The following KLRB1 variants were observed in gnomAD, a reference collection of about 807,000 sequenced individuals.
The protein encoded by KLRB1 is killer cell lectin-like receptor subfamily B member 1.
A neutral mutation model predicts 33.5 loss-of-function variants in KLRB1; 27 were observed. The observed-to-expected ratio is 0.81, with a 90% confidence interval of 0.59 to 1.11. The LOEUF (loss-of-function observed/expected upper bound fraction) is 1.11, where lower values mean the gene tolerates loss of function less well. Ranked by LOEUF, KLRB1 falls within the 50% of genes most tolerant of loss-of-function variation. The pLI is 0.00. For missense variants in KLRB1, 241 were observed against 254.1 expected, an observed-to-expected ratio of 0.95 and a Z score of 0.35; for synonymous variants, 64 against 88.9, an observed-to-expected ratio of 0.72 and a Z score of 1.58.
chr12:9,599,904 T>G, intron 2 of KLRB1, 63 bp from the exon 3 acceptor site: 5 of 915,238 alleles, frequency 5.5e-6, no homozygotes, highest in Non-Finnish European at 7.2e-6. Flanking sequence ...GGATATATTA[T>G]ATTTGTTACT....
intron 1 of KLRB1, among the ~76,000 whole-genome samples, chr12:9,605,474 C>T (rs1054794559): frequency 6.6e-6 from 1 of 152,202 alleles, no homozygotes; most frequent in African/African-American, 2.4e-5. Flanking sequence ...ATAATTTTCT[C>T]TATTTTGTTC....
At chr12:9,600,502 T>A (rs1186051811) in intron 2 of KLRB1, among the ~76,000 whole-genome samples, 3 of 152,200 alleles carry the variant, frequency 2.0e-5, no homozygotes, top group Non-Finnish European at 4.4e-5. Flanking sequence ...TGTTACTGTG[T>A]CTGTGTAGAA....
At chr12:9,607,591 T>C (rs1039476114) in intron 1 of KLRB1, 164 bp downstream of exon 1, 13 of 567,196 alleles carry the variant, frequency 2.3e-5, no homozygotes, top group East Asian at 1.8e-4. Context: ...AAATTTTTTT[T>C]CCCAAAGTTG....
At position 9,595,426 on chromosome 12, in the gene KLRB1, G is replaced by A. The variant is rs1183310296; in HGVS notation, c.531-5C>T. On this transcript the variant is annotated splice_region_variant and splice_polypyrimidine_tract_variant and intron_variant, in intron 5 of 5. Coordinates refer to ENST00000229402, the MANE Select transcript of KLRB1 (RefSeq NM_002258.3). Reference sequence around the variant, plus strand: ...GCATCACCTCTAATTTCTAAGCTGTGGAGCAAAAGAAAAGTCTGTCTTAGC... The same window carrying A: ...GCATCACCTCTAATTTCTAAGCTGTAGAGCAAAAGAAAAGTCTGTCTTAGC... 4 of 1,611,074 alleles carry A rather than the reference G, an allele frequency of 2.5e-6. No individual in the cohort carries two copies. The highest frequency in any genetic ancestry group is 3.4e-6 in the Non-Finnish European group (4 of 1,179,224).
intron 1 of KLRB1, chr12:9,606,422 T>G (rs1433904739): frequency 6.6e-6 from 1 of 151,986 alleles, no homozygotes. Flanking sequence ...TGCTAACTCT[T>G]CAGAGACACA....
At chr12:9,605,928 A>G (rs781599994) in intron 1 of KLRB1, among the ~76,000 whole-genome samples, 1 of 152,018 alleles carries the variant, frequency 6.6e-6, no homozygotes, top group Non-Finnish European at 1.5e-5. Flanking sequence ...GAGTCTCACT[A>G]CCTCTATATT....
intron 2 of KLRB1, 125 bp from the exon 3 acceptor site, chr12:9,599,966 T>C (rs113211345): frequency 5.6e-5 from 29 of 515,794 alleles, no homozygotes; most frequent in African/African-American, 5.5e-4. Flanking sequence ...AAAATAAAAG[T>C]ATTAGCGAAG....
chr12:9,603,422 A>G (rs1398774810), intron 1 of KLRB1, among the ~76,000 whole-genome samples: 2 of 134,276 alleles, frequency 1.5e-5, no homozygotes, highest in Non-Finnish European at 3.2e-5. Context: ...TGTTAACTTA[A>G]TTCTATTTAT....
In KLRB1 at chr12:9,602,719, G is replaced by A. The variant is rs1356018777; in HGVS notation, c.86-1120C>T. Among the ~76,000 whole-genome samples, 7 of 152,126 alleles carry A rather than the reference G, an allele frequency of 4.6e-5. No individual in the cohort carries two copies. The South Asian group carries it at 1.5e-3, about 32-fold the overall frequency. ...CTGAAGCTATTGATTTATTTGTATT[G>A]TCTATTCCTTTTTATTTTTTCTAAT... On this transcript the variant is annotated intron_variant, in intron 1 of 5. Transcript: ENST00000229402.
chr12:9,604,648 A>C (rs1343766218), intron 1 of KLRB1, among the ~76,000 whole-genome samples: 3 of 152,002 alleles, frequency 2.0e-5, no homozygotes, highest in Non-Finnish European at 4.4e-5. Flanking sequence ...TTTGTCCCTC[A>C]CTTCTGTCAG....
intron 1 of KLRB1, among the ~76,000 whole-genome samples, chr12:9,603,883 C>T (rs546830739): frequency 4.6e-5 from 7 of 152,220 alleles, no homozygotes; most frequent in African/African-American, 1.4e-4. Context: ...ATTTCCTCAT[C>T]TGTGAAATGT....
intron 1 of KLRB1, among the ~76,000 whole-genome samples, chr12:9,607,326 T>TTTCTTTCCTTCCTTCCTTC (rs1403665574): frequency 1.9e-5 from 1 of 53,722 alleles, no homozygotes; most frequent in South Asian, 8.5e-4. Flanking sequence ...CTTTTCTTTC[T>TTTCTTTCCTTCCTTCCTTC]CTTTCTTTCC....
At chr12:9,597,635 T>C (rs1245803032) in intron 5 of KLRB1, among the ~76,000 whole-genome samples, 1 of 152,170 alleles carries the variant, frequency 6.6e-6, no homozygotes, top group Non-Finnish European at 1.5e-5. Context: ...TGATATTTAC[T>C]ATTTTTTCTT....
chr12:9,598,406 C>G, intron 4 of KLRB1, 93 bp downstream of exon 4: 2 of 1,108,530 alleles, frequency 1.8e-6, no homozygotes, highest in Admixed American at 4.6e-5. Context: ...GTCATCACTT[C>G]CATTGCATAA....
chr12:9,602,010 GCTCT>G lies in KLRB1; in HGVS notation c.86-415_86-412del, dbSNP rs1242559694. 5.9e-5 allele frequency among the ~76,000 whole-genome samples: 9 copies of G among 152,062 alleles called. No individual in the cohort carries two copies. In the South Asian group the frequency reaches 6.2e-4, roughly 11 times the overall value. ...TCATTTAGTCAAGATATTTTTTGAG[GCTCT>G]CTCTATTTTGTGCCAAGTACCATGT... On this transcript the variant is annotated intron_variant, in intron 1 of 5. Transcript: ENST00000229402.
chr12:9,598,312 T>C, intron 4 of KLRB1, 151 bp from the exon 5 acceptor site: 1 of 738,108 alleles, frequency 1.4e-6, no homozygotes, highest in Admixed American at 2.8e-5. Context: ...CTGTCTATGT[T>C]TTTATTTCTA....
chr12:9,598,202 TC>T lies in KLRB1; in HGVS notation c.415-42del, dbSNP rs1182017076. The T allele has an allele frequency of 2.3e-6, 3 of 1,321,702 alleles. No homozygotes were observed. The African/African-American group carries it at 4.3e-5, about 19-fold the overall frequency. 81.9% of individuals were successfully genotyped at this position (1,321,702 alleles called of 1,614,324 possible). A position where few individuals can be genotyped will look rare whatever the true frequency, so the allele number is the denominator to read the frequency against. Reference sequence around the variant, plus strand: ...AAAAATATTGAATCTGCTTATCTATTCCTGGTTTGATCCCCTAAAACCTAGT... The same window carrying T: ...AAAAATATTGAATCTGCTTATCTATTCTGGTTTGATCCCCTAAAACCTAGT... On this transcript the variant is annotated intron_variant, in intron 4 of 5. Coordinates refer to ENST00000229402, the MANE Select transcript of KLRB1 (RefSeq NM_002258.3).
chr12:9,602,448 G>A (rs762058736), intron 1 of KLRB1, among the ~76,000 whole-genome samples: 6 of 151,958 alleles, frequency 3.9e-5, no homozygotes, highest in Non-Finnish European at 8.8e-5. Context: ...AAATATTTTG[G>A]AGAAACACTG....
chr12:9,599,976 GT>G (rs1305811849), intron 2 of KLRB1, 135 bp from the exon 3 acceptor site: 1 of 382,896 alleles, frequency 2.6e-6, no homozygotes, highest in Non-Finnish European at 4.4e-6. Flanking sequence ...TATTAGCGAA[GT>G]GGTAAAAAAA....
Sources: allele counts gnomAD v4.1 joint callset (sites outside exome capture counted in the v4.1 genomes callset), GRCh38; gene constraint gnomAD v4.1.1; transcripts MANE v1.5; gene names NCBI Gene and HGNC (gene_info 2026-07-23, HGNC 2026-07-21).